Variants in ARMH3 observed in about 807,000 individuals in gnomAD.
ARMH3 encodes the protein armadillo-like helical domain-containing protein 3.
Under a neutral mutation model 99.1 loss-of-function variants are expected in ARMH3, and 60 were observed. The ratio of observed to expected loss-of-function variants is 0.61; its 90% CI spans 0.49 to 0.75. The LOEUF is 0.75. Ranked by LOEUF, ARMH3 falls within the 30% of genes least tolerant of loss-of-function variation. The probability of loss-of-function intolerance (pLI) is 0.00; values close to 1 mark genes in which losing one functional copy is unlikely to be tolerated. For synonymous variants in ARMH3, 285 were observed against 292.8 expected (o/e 0.97, Z 0.27); for missense variants, 679 against 843.1 (o/e 0.81, Z 2.41).
At chr10:102,048,985 T>C (rs2067624668) in intron 1 of ARMH3, among the ~76,000 whole-genome samples, 1 of 151,994 alleles carries the variant, frequency 6.6e-6, no homozygotes, top group Non-Finnish European at 1.5e-5. Flanking sequence ...TATCTCCTAA[T>C]ATGCCTCTCA....
At chr10:101,985,558 T>C (rs920151917) in intron 19 of ARMH3, among the ~76,000 whole-genome samples, 4 of 151,144 alleles carry the variant, frequency 2.6e-5, no homozygotes, top group African/African-American at 9.7e-5. Context: ...CTACAAAAAA[T>C]ATAAAAATAG....
chr10:102,041,301 T>G (rs2067419969), intron 1 of ARMH3, among the ~76,000 whole-genome samples: 1 of 151,680 alleles, frequency 6.6e-6, no homozygotes, highest in African/African-American at 2.4e-5. Context: ...ACCTCCCAGG[T>G]TCTTTTCATT....
At chr10:102,006,501 T>C (rs2066491062) in intron 14 of ARMH3, 39 bp downstream of exon 14, 2 of 1,575,354 alleles carry the variant, frequency 1.3e-6, no homozygotes, top group African/African-American at 2.7e-5. Context: ...AGATCTAAGA[T>C]CATATTAACC....
intron 22 of ARMH3, among the ~76,000 whole-genome samples, chr10:101,941,871 T>C (rs1389994481): frequency 6.6e-6 from 1 of 152,198 alleles, no homozygotes; most frequent in Admixed American, 6.5e-5. Flanking sequence ...AATTGTGAAA[T>C]TTATTTAGAT....
intron 5 of ARMH3, among the ~76,000 whole-genome samples, chr10:102,026,938 T>C (rs985302906): frequency 7.2e-5 from 11 of 152,224 alleles, no homozygotes; most frequent in Non-Finnish European, 1.0e-4. Flanking sequence ...GTATCCTCAG[T>C]GCCTACCACA....
At chr10:101,943,311 CT>C (rs34900212) in intron 22 of ARMH3, among the ~76,000 whole-genome samples, 4 of 152,198 alleles carry the variant, frequency 2.6e-5, no homozygotes, top group Admixed American at 2.6e-4. Flanking sequence ...GGAGAAGAAA[CT>C]GAGGAGCTCA....
At chr10:101,935,174 A>AATATATATATATAT (rs5787448) in intron 23 of ARMH3, among the ~76,000 whole-genome samples, 4,572 of 116,632 alleles carry the variant, frequency 0.039, 185 homozygotes, top group Middle Eastern at 0.059. Flanking sequence ...AAGGTGGAGC[A>AATATATATATATAT]ATATATATAT....
chr10:102,020,866 A>G lies in ARMH3; in HGVS notation c.669+2611T>C, dbSNP rs1316161683. On this transcript the variant is annotated intron_variant, in intron 8 of 25. Coordinates refer to ENST00000370033, the MANE Select transcript of ARMH3 (RefSeq NM_024541.3). ...CTGTCTCAAAAAAAAAAAAAAAAAA[A>G]GTCTATAGTAGTATACAGTAATGTC... 2.0e-5 allele frequency among the ~76,000 whole-genome samples: 3 copies of G among 150,640 alleles called. No individual in the cohort carries two copies. In the East Asian group the frequency reaches 5.8e-4, roughly 29 times the overall value.
chr10:102,013,732 C>T (rs781423087), intron 9 of ARMH3, among the ~76,000 whole-genome samples: 1 of 152,136 alleles, frequency 6.6e-6, no homozygotes, highest in Non-Finnish European at 1.5e-5. Flanking sequence ...TGAAACATAA[C>T]CACTTCATCA....
intron 5 of ARMH3, 85 bp from the exon 6 acceptor site, chr10:102,025,333 T>A: frequency 1.9e-6 from 2 of 1,040,904 alleles, no homozygotes; most frequent in African/African-American, 1.6e-5. Context: ...TACAGGGTAA[T>A]GTGAATAACA....
chr10:101,990,594 TA>T lies in ARMH3; in HGVS notation c.1362del (p.Phe454LeufsTer3). 1 of 1,605,114 alleles carries T rather than the reference TA, an allele frequency of 6.2e-7. No homozygotes were observed. The highest frequency in any genetic ancestry group is 8.5e-7 in the Non-Finnish European group (1 of 1,171,966). On this transcript the variant is annotated frameshift_variant, in exon 19 of 26. Coordinates refer to ENST00000370033, the MANE Select transcript of ARMH3 (RefSeq NM_024541.3). LOFTEE classifies it high-confidence loss of function. ...VCAVLDLMVE[F>X]IVTHMMKEFP... ...AACTCCTTCATCATGTGTGTTACAA[TA>T]AACTCTACCATCAGGTCTGAAAGGG... is the stretch of plus-strand genomic sequence containing the variant.
intron 24 of ARMH3, among the ~76,000 whole-genome samples, chr10:101,855,579 T>C (rs1345275879): frequency 6.6e-6 from 1 of 151,008 alleles, no homozygotes; most frequent in Non-Finnish European, 1.5e-5. Flanking sequence ...AAGATCTCAC[T>C]CTGTCACCCA....
chr10:101,998,021 G>A (rs1847140927), intron 15 of ARMH3, among the ~76,000 whole-genome samples: 1 of 152,124 alleles, frequency 6.6e-6, no homozygotes, highest in African/African-American at 2.4e-5. Flanking sequence ...TCCTAACCTT[G>A]CCCTTTGCCA....
intron 22 of ARMH3, among the ~76,000 whole-genome samples, chr10:101,945,707 C>A (rs758235273): frequency 6.7e-6 from 1 of 149,778 alleles, no homozygotes; most frequent in African/African-American, 2.5e-5. Context: ...GGTGACAGAA[C>A]GAGACTCTGT....
intron 20 of ARMH3, among the ~76,000 whole-genome samples, chr10:101,972,470 A>G (rs534309436): frequency 1.3e-5 from 2 of 152,366 alleles, no homozygotes; most frequent in East Asian, 3.9e-4. Flanking sequence ...CATATTTGCC[A>G]TGATGAGTTT....
chr10:102,043,056 G>C (rs766418981), intron 1 of ARMH3, among the ~76,000 whole-genome samples: 3 of 152,202 alleles, frequency 2.0e-5, no homozygotes, highest in Admixed American at 2.0e-4. Context: ...TGGGCAACAA[G>C]AGTGAAACTC....
chr10:101,972,317 A>G (rs1845804177), intron 20 of ARMH3, among the ~76,000 whole-genome samples: 1 of 152,230 alleles, frequency 6.6e-6, no homozygotes, highest in African/African-American at 2.4e-5. Flanking sequence ...ATTCCAAACT[A>G]CATCTGGACC....
At chr10:102,043,028 C>T (rs557776485) in intron 1 of ARMH3, among the ~76,000 whole-genome samples, 2 of 152,282 alleles carry the variant, frequency 1.3e-5, no homozygotes, top group South Asian at 2.1e-4. Context: ...GACGAGATTG[C>T]GCCACTGCAC....
At chr10:101,911,166 G>A (rs997473401) in intron 23 of ARMH3, among the ~76,000 whole-genome samples, 3 of 151,870 alleles carry the variant, frequency 2.0e-5, no homozygotes, top group Admixed American at 6.6e-5. Flanking sequence ...GACAGAAGGT[G>A]ATCAATGTTA....
Sources: allele counts gnomAD v4.1 joint callset (sites outside exome capture counted in the v4.1 genomes callset), GRCh38; gene constraint gnomAD v4.1.1; transcripts MANE v1.5; gene names NCBI Gene and HGNC (gene_info 2026-07-23, HGNC 2026-07-21).